ABCA9: variants seen among roughly 807,000 people sequenced by gnomAD.
The protein encoded by ABCA9 is ATP binding cassette subfamily A member 9, also known as ATP-binding cassette sub-family A member 9.
ABCA9 carries 183 observed loss-of-function variants against 205.3 expected under a neutral mutation model. The observed-to-expected ratio is 0.89, with a 90% CI of 0.79 to 1.01. The LOEUF is 1.01. ABCA9 is among the 50% of genes least tolerant of loss of function. The probability of loss-of-function intolerance (pLI) is 0.00; values close to 1 mark genes in which losing one functional copy is unlikely to be tolerated. For synonymous variants in ABCA9, 651 were observed against 683.3 expected, an observed-to-expected ratio of 0.95 and a Z score of 0.74; for missense variants, 1,805 against 1,912.4, an observed-to-expected ratio of 0.94 and a Z score of 1.05.
chr17:68,983,061 A>G (rs2069114676), intron 36 of ABCA9, among the ~76,000 whole-genome samples: 1 of 152,158 alleles, frequency 6.6e-6, no homozygotes, highest in South Asian at 2.1e-4. Flanking sequence ...CAATCTGTCT[A>G]AATAGTCACA....
chr17:69,061,156 C>T (rs1165319829), upstream of ABCA9: 6 of 985,044 alleles, frequency 6.1e-6, no homozygotes, highest in Non-Finnish European at 7.2e-6. Context: ...GTTGGCTGGA[C>T]ATATCAAAAC....
chr17:69,004,135 A>G (rs1368033539), intron 25 of ABCA9, among the ~76,000 whole-genome samples: 1 of 152,198 alleles, frequency 6.6e-6, no homozygotes, highest in East Asian at 1.9e-4. Context: ...GTCATTCTCC[A>G]TCCAGCTTTG....
At chr17:68,995,015 T>G (rs1203999094) in intron 26 of ABCA9, among the ~76,000 whole-genome samples, 7 of 152,212 alleles carry the variant, frequency 4.6e-5, no homozygotes, top group Non-Finnish European at 8.8e-5. Flanking sequence ...TCCCCTCACA[T>G]TTTCTACTAA....
chr17:69,020,539 C>G lies in ABCA9; in HGVS notation c.2449G>C (p.Gly817Arg). 2 of 1,614,026 alleles carry G rather than the reference C, an allele frequency of 1.2e-6. No homozygotes were observed. The highest frequency in any genetic ancestry group is 1.7e-6 in the Non-Finnish European group (2 of 1,179,924). ...QLQTDGAKDI[G>R]SLVELEQVLS... ...ACTTGTTCCAGCTCAACAAGGCTTC[C>G]TATATCTTTTGCCCCATCAGTTTGT... The change falls in exon 19 of 39, where the codon GGA becomes CGA. Residue 817 changes from glycine to arginine, a missense_variant. Coordinates refer to ENST00000340001, the MANE Select transcript of ABCA9 (RefSeq NM_080283.4).
chr17:69,041,433 G>A (rs998575618), intron 6 of ABCA9, among the ~76,000 whole-genome samples: 3 of 152,052 alleles, frequency 2.0e-5, no homozygotes, highest in African/African-American at 4.8e-5. Flanking sequence ...GGCTGGGGTG[G>A]CGGCTCACAC....
At position 69,041,711 on chromosome 17, in the gene ABCA9, TAA is replaced by T. The variant is rs5821697; in HGVS notation, c.800+1776_800+1777del. ...GGAGCAAGACTCTGTCTCAAAAAAA[TAA>T]AAAAAAAGAAAGAAATTATCTATCT... On this transcript the variant is annotated intron_variant, in intron 6 of 38. Coordinates refer to ENST00000340001, the MANE Select transcript of ABCA9 (RefSeq NM_080283.4). 1.7e-3 allele frequency among the ~76,000 whole-genome samples: 255 copies of T among 151,620 alleles called. 1 individual carries two copies. The highest frequency in any genetic ancestry group is 3.4e-3 in the Middle Eastern group (1 of 294).
At chr17:69,068,565 C>T in the ABCA9 span, among the ~76,000 whole-genome samples, 3 of 152,010 alleles carry the variant, frequency 2.0e-5, no homozygotes, top group Non-Finnish European at 2.9e-5. Context: ...TATTTTAAGC[C>T]AGTAAGTTTT....
At chr17:69,060,311 C>T (rs973451164) in intron 1 of ABCA9, among the ~76,000 whole-genome samples, 1 of 151,966 alleles carries the variant, frequency 6.6e-6, no homozygotes, top group East Asian at 1.9e-4. Context: ...GATAAAATTC[C>T]TGTTATTCAC....
At chr17:69,005,239 C>T (rs1415603093) in intron 25 of ABCA9, among the ~76,000 whole-genome samples, 4 of 152,196 alleles carry the variant, frequency 2.6e-5, no homozygotes, top group African/African-American at 9.7e-5. Flanking sequence ...ATGCATACAG[C>T]GTCCTCAGCT....
the ABCA9 span, among the ~76,000 whole-genome samples, chr17:69,073,605 T>A: frequency 2.0e-5 from 3 of 152,176 alleles, no homozygotes; most frequent in Non-Finnish European, 4.4e-5. Context: ...CAGCAGTGTT[T>A]AGAGGGAAAC....
intron 23 of ABCA9, among the ~76,000 whole-genome samples, chr17:69,008,762 G>C (rs550640588): frequency 2.6e-5 from 4 of 152,158 alleles, no homozygotes; most frequent in Admixed American, 6.5e-5. Context: ...TTGTCTTGCC[G>C]TAAGTCATAT....
At position 69,033,853 on chromosome 17, in the gene ABCA9, A is replaced by T; in HGVS notation, c.1149T>A (p.Asp383Glu). Residue 383 changes from aspartate (D) to glutamate (E), a missense_variant, in exon 9 of 39, where the codon GAT becomes GAA. Asp to Glu is a conservative substitution (Grantham distance 45, BLOSUM62 2). Coordinates refer to ENST00000340001, the MANE Select transcript of ABCA9 (RefSeq NM_080283.4). ...AATCCAAGTGGGCATTAGAATTCAC[A>T]TCATAGTCCAAATGTATAAGCTGAA... is the stretch of plus-strand genomic sequence containing the variant. ...GMAQLIHLDY[D>E]VNSNAHLDSS... 6.2e-7 allele frequency: 1 copy of T among 1,602,712 alleles called. No homozygotes were observed. Among genetic ancestry groups the T allele is most frequent in the Non-Finnish European group, 8.5e-7 (1 of 1,171,626 alleles).
At chr17:68,999,756 G>A (rs1260436410) in intron 25 of ABCA9, among the ~76,000 whole-genome samples, 4 of 152,268 alleles carry the variant, frequency 2.6e-5, no homozygotes, top group East Asian at 3.9e-4. Flanking sequence ...GTGTAAAAGT[G>A]TTCCTGTTTC....
rs754982218 is a variant in ABCA9, at chr17:68,992,157, C to T, written c.3716+18G>A. ...GAATATCAAAATGAAACATGAAATT[C>T]GATTTGATTTTCTCAACCTGAACAC... On this transcript the variant is annotated intron_variant, in intron 28 of 38. Coordinates refer to ENST00000340001, the MANE Select transcript of ABCA9 (RefSeq NM_080283.4). 9.3e-6 allele frequency: 14 copies of T among 1,500,606 alleles called. No homozygotes were observed. Among genetic ancestry groups the T allele is most frequent in the East Asian group, 9.2e-5 (4 of 43,388 alleles). 93.0% of individuals were successfully genotyped at this position (1,500,606 alleles called of 1,614,324 possible).
chr17:69,021,839 T>G lies in ABCA9; in HGVS notation c.2304A>C (p.Arg768Ser), dbSNP rs776789549. 1 of 1,548,876 alleles carries G rather than the reference T, an allele frequency of 6.5e-7. No homozygotes were observed. The highest frequency in any genetic ancestry group is 8.8e-7 in the Non-Finnish European group (1 of 1,137,348). The change falls in exon 18 of 39, where the codon AGA becomes AGC. Residue 768 changes from arginine (R) to serine (S), a missense_variant. Transcript: ENST00000340001. The part of the protein sequence containing the change: ...KFPELYRDLD[R>S]CSNQGIEDYG... ...AATCCTCAATGCCTTGGTTAGAACA[T>G]CTATCAAGATCCCTGTAAAGTTCTA...
intron 4 of ABCA9, 150 bp from the exon 5 acceptor site, chr17:69,044,750 C>T (rs762553951): frequency 3.0e-5 from 18 of 591,360 alleles, no homozygotes; most frequent in East Asian, 2.0e-4. Flanking sequence ...CACACCCAAA[C>T]GGAATATAGC....
chr17:69,073,246 A>G, the ABCA9 span, among the ~76,000 whole-genome samples: 623 of 152,268 alleles, frequency 4.1e-3, 3 homozygotes, highest in Middle Eastern at 0.014. Flanking sequence ...TGGACCAAGC[A>G]GATCTAATAG....
intron 23 of ABCA9, among the ~76,000 whole-genome samples, chr17:69,010,616 T>C (rs1206130821): frequency 6.6e-6 from 1 of 152,142 alleles, no homozygotes; most frequent in Non-Finnish European, 1.5e-5. Flanking sequence ...AATTTAAACT[T>C]CTGAAAGTTT....
At chr17:69,026,749 G>T (rs531977628) in intron 15 of ABCA9, among the ~76,000 whole-genome samples, 1 of 152,282 alleles carries the variant, frequency 6.6e-6, no homozygotes, top group East Asian at 1.9e-4. Context: ...TTGTATCTTA[G>T]AAAGTGTGAT....
Sources: gnomAD v4.1 joint callset for allele counts (sites outside exome capture counted in the v4.1 genomes callset) on GRCh38, gnomAD v4.1.1 for gene constraint, MANE v1.5 for transcripts, NCBI Gene and HGNC (gene_info 2026-07-23, HGNC 2026-07-21) for gene names.